The following KCNIP1 variants were observed in gnomAD, a reference collection of about 807,000 sequenced individuals.
KCNIP1 encodes A-type potassium channel modulatory protein KCNIP1.
Under a neutral mutation model 33.0 loss-of-function variants are expected in KCNIP1, and 18 were observed. That is an observed-to-expected ratio of 0.55 (90% CI 0.38 to 0.81). The LOEUF is 0.81. Ranked by LOEUF, KCNIP1 falls within the 30% of genes least tolerant of loss-of-function variation. The pLI, the probability that KCNIP1 is intolerant of heterozygous loss-of-function variation, is 0.00. For synonymous variants in KCNIP1, 93 were observed against 98.3 expected (o/e 0.95, Z 0.32); for missense variants, 238 against 271.6 (o/e 0.88, Z 0.87).
intron 1 of KCNIP1, among the ~76,000 whole-genome samples, chr5:170,388,024 C>T (rs549889263): frequency 5.3e-5 from 8 of 152,120 alleles, no homozygotes; most frequent in African/African-American, 1.7e-4. Context: ...ATCAGCCCCC[C>T]CCAGCGCCCA....
intron 1 of KCNIP1, among the ~76,000 whole-genome samples, chr5:170,699,296 C>T (rs972847357): frequency 1.4e-4 from 22 of 152,184 alleles, no homozygotes; most frequent in African/African-American, 4.6e-4. Context: ...AAGATGGGTA[C>T]ATGATAGATA....
chr5:170,372,172 A>T (rs558840882), intron 1 of KCNIP1, among the ~76,000 whole-genome samples: 1 of 152,342 alleles, frequency 6.6e-6, no homozygotes, highest in Admixed American at 6.5e-5. Context: ...AGTGATCCAC[A>T]GAACTCAAAA....
intron 1 of KCNIP1, among the ~76,000 whole-genome samples, chr5:170,413,497 C>T (rs1755250205): frequency 6.6e-6 from 1 of 152,152 alleles, no homozygotes; most frequent in South Asian, 2.1e-4. Context: ...CCATCTCTCT[C>T]CTGGGTGTGA....
intron 1 of KCNIP1, among the ~76,000 whole-genome samples, chr5:170,692,787 A>G (rs1435609332): frequency 6.6e-6 from 1 of 152,232 alleles, no homozygotes; most frequent in Non-Finnish European, 1.5e-5. Flanking sequence ...GGATATGCTT[A>G]TATGTTGGTT....
intron 1 of KCNIP1, among the ~76,000 whole-genome samples, chr5:170,687,875 C>A (rs192024362): frequency 6.6e-6 from 1 of 152,312 alleles, no homozygotes; most frequent in Admixed American, 6.5e-5. Flanking sequence ...CATATAGTAA[C>A]CACTTTCGCC....
At chr5:170,617,346 C>T (rs961477890) in intron 1 of KCNIP1, among the ~76,000 whole-genome samples, 3 of 151,950 alleles carry the variant, frequency 2.0e-5, no homozygotes, top group Non-Finnish European at 4.4e-5. Context: ...TCTCTTTGAG[C>T]CGGCAGGTTA....
At chr5:170,466,540 A>T (rs1189497743) in intron 1 of KCNIP1, among the ~76,000 whole-genome samples, 1 of 152,104 alleles carries the variant, frequency 6.6e-6, no homozygotes, top group Non-Finnish European at 1.5e-5. Flanking sequence ...TTAGAAACAG[A>T]AAAGGTGTCT....
At chr5:170,658,638 G>A (rs1300166050) in intron 1 of KCNIP1, among the ~76,000 whole-genome samples, 1 of 152,174 alleles carries the variant, frequency 6.6e-6, no homozygotes, top group Non-Finnish European at 1.5e-5. Flanking sequence ...TCCTGCCGGT[G>A]GTGGGCAGCT....
At chr5:170,462,264 C>CAAAAAAAAAAAAAAAAAAAAAATAAAAA (rs760686464) in intron 1 of KCNIP1, among the ~76,000 whole-genome samples, 1 of 52,046 alleles carries the variant, frequency 1.9e-5, no homozygotes, top group African/African-American at 7.8e-5. Context: ...AACAAATTAG[C>CAAAAAAAAAAAAAAAAAAAAAATAAAAA]AAAAAAAAAA....
At chr5:170,546,953 G>A (rs1206589145) in intron 1 of KCNIP1, among the ~76,000 whole-genome samples, 1 of 152,014 alleles carries the variant, frequency 6.6e-6, no homozygotes, top group Non-Finnish European at 1.5e-5. Flanking sequence ...TTTCCTCTGT[G>A]AGGACCTGTT....
intron 1 of KCNIP1, among the ~76,000 whole-genome samples, chr5:170,524,006 C>T (rs542948117): frequency 2.0e-5 from 3 of 152,206 alleles, no homozygotes; most frequent in African/African-American, 7.2e-5. Flanking sequence ...GCACCACCCC[C>T]CAGTCCTCCG....
intron 1 of KCNIP1, among the ~76,000 whole-genome samples, chr5:170,529,732 G>A (rs1219632571): frequency 6.6e-6 from 1 of 152,148 alleles, no homozygotes; most frequent in African/African-American, 2.4e-5. Context: ...TTTACAGATA[G>A]CCAACCACAA....
At chr5:170,533,663 T>A (rs2113353442) in intron 1 of KCNIP1, among the ~76,000 whole-genome samples, 1 of 152,280 alleles carries the variant, frequency 6.6e-6, no homozygotes. Flanking sequence ...TCAAAAGGGA[T>A]CTAATAAACC....
intron 1 of KCNIP1, among the ~76,000 whole-genome samples, chr5:170,464,696 A>G (rs542422137): frequency 4.6e-5 from 7 of 152,274 alleles, no homozygotes; most frequent in African/African-American, 1.7e-4. Flanking sequence ...TGCCCTAAGT[A>G]TAAAGACATT....
chr5:170,496,793 C>T (rs116929904), intron 1 of KCNIP1, among the ~76,000 whole-genome samples: 7 of 152,258 alleles, frequency 4.6e-5, no homozygotes, highest in South Asian at 4.2e-4. Context: ...CACTGTGGCC[C>T]GGAAATGCGG....
chr5:170,441,356 C>A (rs1005375327), intron 1 of KCNIP1, among the ~76,000 whole-genome samples: 3 of 152,120 alleles, frequency 2.0e-5, no homozygotes, highest in African/African-American at 7.2e-5. Flanking sequence ...GAGTGTGGAA[C>A]AAACGAGACC....
At chr5:170,432,626 C>T (rs909911232) in intron 1 of KCNIP1, among the ~76,000 whole-genome samples, 1 of 152,172 alleles carries the variant, frequency 6.6e-6, no homozygotes, top group Non-Finnish European at 1.5e-5. Flanking sequence ...CGCTCTGAAG[C>T]TGGCAAGTGT....
chr5:170,634,079 T>C (rs780226038), intron 1 of KCNIP1, among the ~76,000 whole-genome samples: 8 of 151,914 alleles, frequency 5.3e-5, no homozygotes, highest in Non-Finnish European at 8.8e-5. Context: ...CAGACCAAAG[T>C]TGAGGTGAGA....
intron 5 of KCNIP1, among the ~76,000 whole-genome samples, chr5:170,729,605 T>TG (rs1285118672): frequency 2.6e-5 from 4 of 152,092 alleles, no homozygotes; most frequent in Admixed American, 2.6e-4. Flanking sequence ...AAATAGTTCA[T>TG]GGGAAAATAA....
Sources: gnomAD v4.1 joint callset for allele counts (sites outside exome capture counted in the v4.1 genomes callset) on GRCh38, gnomAD v4.1.1 for gene constraint, MANE v1.5 for transcripts, NCBI Gene and HGNC (gene_info 2026-07-23, HGNC 2026-07-21) for gene names.